MTUS2: variants seen among roughly 807,000 people sequenced by gnomAD.
The protein encoded by MTUS2 is microtubule-associated tumor suppressor candidate 2.
In MTUS2, 40 loss-of-function variants were observed where a neutral mutation model predicts 114.1. That is an observed-to-expected ratio of 0.35 (90% CI 0.27 to 0.46). The LOEUF is 0.46. Ranked by LOEUF, MTUS2 falls within the 20% of genes least tolerant of loss-of-function variation. The pLI, the probability that MTUS2 is intolerant of heterozygous loss-of-function variation, is 1.00. For synonymous variants in MTUS2, 688 were observed against 672.0 expected (o/e 1.02, Z -0.37); for missense variants, 1,679 against 1,705.4 (o/e 0.98, Z 0.27).
intron 2 of MTUS2, among the ~76,000 whole-genome samples, chr13:28,980,316 A>G (rs950614173): frequency 6.6e-6 from 1 of 152,194 alleles, no homozygotes; most frequent in Non-Finnish European, 1.5e-5. Context: ...TAAAAAAGTT[A>G]AGAGAGACAT....
At chr13:29,411,644 A>T (rs1025116694) in intron 8 of MTUS2, among the ~76,000 whole-genome samples, 17 of 152,242 alleles carry the variant, frequency 1.1e-4, no homozygotes, top group African/African-American at 4.1e-4. Context: ...ATTACATTAA[A>T]CTTACTTAAC....
intron 2 of MTUS2, among the ~76,000 whole-genome samples, chr13:29,004,389 T>A (rs1593374999): frequency 9.6e-6 from 1 of 104,346 alleles, no homozygotes; most frequent in African/African-American, 3.7e-5. Context: ...GTATTATATA[T>A]TCAAAATAAC....
chr13:29,493,017 A>G (rs903436333), intron 12 of MTUS2, among the ~76,000 whole-genome samples: 4 of 152,198 alleles, frequency 2.6e-5, no homozygotes, highest in Admixed American at 6.5e-5. Context: ...TGGAGTATCC[A>G]AGGAGTAACT....
intron 5 of MTUS2, among the ~76,000 whole-genome samples, chr13:29,232,273 T>TACACACAC (rs1219369857): frequency 8.7e-6 from 1 of 114,892 alleles, no homozygotes; most frequent in African/African-American, 3.6e-5. Context: ...AGAATATACA[T>TACACACAC]ACATACACAC....
chr13:29,142,483 C>T (rs896598593), intron 5 of MTUS2, among the ~76,000 whole-genome samples: 1 of 152,160 alleles, frequency 6.6e-6, no homozygotes, highest in African/African-American at 2.4e-5. Flanking sequence ...GCGGGTGGAT[C>T]ACCTGAGGTC....
chr13:29,006,200 A>T (rs1885592899), intron 2 of MTUS2, among the ~76,000 whole-genome samples: 1 of 152,090 alleles, frequency 6.6e-6, no homozygotes. Context: ...CCAGTGGAGG[A>T]TCTTCCCAGG....
chr13:29,026,304 C>T lies in MTUS2; in HGVS notation c.1606C>T (p.Leu536Phe), dbSNP rs1381833409. 6.2e-7 allele frequency: 1 copy of T among 1,614,006 alleles called. No individual in the cohort carries two copies. ...ADSVLNIPAP[L>F]HPETTVNMTY... ...TTCAGTTCTCAATATTCCAGCACCC[C>T]TCCACCCAGAGACAACTGTGAACAT... Residue 536 changes from leucine (L) to phenylalanine (F), a missense_variant, in exon 3 of 16, where the codon CTC becomes TTC. Physicochemically the swap from Leu to Phe is conservative, Grantham distance 22. Transcript: ENST00000612955.
intron 2 of MTUS2, among the ~76,000 whole-genome samples, chr13:28,877,942 G>A (rs1384318096): frequency 4.6e-5 from 7 of 151,996 alleles, no homozygotes; most frequent in East Asian, 3.9e-4. Context: ...TATCATATCC[G>A]AAAAATGTGT....
intron 2 of MTUS2, among the ~76,000 whole-genome samples, chr13:29,000,294 A>G (rs1885325013): frequency 6.6e-6 from 1 of 152,096 alleles, no homozygotes; most frequent in African/African-American, 2.4e-5. Flanking sequence ...GGAATGTCTT[A>G]ATTTTCTTCT....
At chr13:29,482,891 G>C (rs918425831) in intron 10 of MTUS2, among the ~76,000 whole-genome samples, 2 of 152,240 alleles carry the variant, frequency 1.3e-5, no homozygotes, top group Admixed American at 1.3e-4. Context: ...AACGTTGGCT[G>C]TTTCCCCAGG....
chr13:29,470,735 C>T (rs537451950), intron 9 of MTUS2, among the ~76,000 whole-genome samples: 96 of 152,368 alleles, frequency 6.3e-4, no homozygotes, highest in African/African-American at 2.0e-3. Flanking sequence ...TCCCTACCTT[C>T]CTCTGGAACT....
intron 8 of MTUS2, among the ~76,000 whole-genome samples, chr13:29,370,984 G>A (rs1024775976): frequency 6.6e-6 from 1 of 152,162 alleles, no homozygotes; most frequent in Non-Finnish European, 1.5e-5. Flanking sequence ...TAAGAAACAT[G>A]AAGGTAACTA....
chr13:29,426,351 C>T (rs1876525328), intron 8 of MTUS2, among the ~76,000 whole-genome samples: 1 of 152,206 alleles, frequency 6.6e-6, no homozygotes. Context: ...GGGATTTATC[C>T]TGCTTTAGCC....
chr13:29,503,221 C>T lies in MTUS2; in HGVS notation c.*15C>T. 6.2e-7 allele frequency: 1 copy of T among 1,612,206 alleles called. No homozygotes were observed. The highest frequency in any genetic ancestry group is 8.5e-7 in the Non-Finnish European group (1 of 1,179,768). ...CACCCAGATGACGCCACTACACGGC[C>T]TGCGGGAGCTCCGGCTTCTCGTCCT... On this transcript the variant is annotated 3_prime_UTR_variant, in exon 16 of 16. Transcript: ENST00000612955.
At chr13:29,228,252 G>C (rs568330437) in intron 5 of MTUS2, among the ~76,000 whole-genome samples, 2 of 152,324 alleles carry the variant, frequency 1.3e-5, no homozygotes, top group South Asian at 4.1e-4. Flanking sequence ...TAAAGAGAAT[G>C]AATTGGAAAT....
chr13:29,218,122 G>A (rs190984717), intron 5 of MTUS2, among the ~76,000 whole-genome samples: 8 of 150,506 alleles, frequency 5.3e-5, no homozygotes, highest in South Asian at 2.1e-4. Context: ...GTCCCTCCCC[G>A]CCAAAACCAA....
intron 8 of MTUS2, among the ~76,000 whole-genome samples, chr13:29,434,810 T>A (rs1375287647): frequency 6.6e-6 from 1 of 152,186 alleles, no homozygotes; most frequent in African/African-American, 2.4e-5. Flanking sequence ...TGGCCACACA[T>A]CTGATTGCTT....
At chr13:29,349,233 G>A (rs898054343) in intron 7 of MTUS2, among the ~76,000 whole-genome samples, 4 of 151,700 alleles carry the variant, frequency 2.6e-5, no homozygotes, top group African/African-American at 9.7e-5. Flanking sequence ...CATAATATAT[G>A]TCATTAGTTT....
intron 2 of MTUS2, among the ~76,000 whole-genome samples, chr13:28,854,839 T>G (rs1876517956): frequency 6.6e-6 from 1 of 152,182 alleles, no homozygotes; most frequent in Non-Finnish European, 1.5e-5. Context: ...ACTCTCTGAC[T>G]TCCGTGGCGT....
Sources: allele counts gnomAD v4.1 joint callset (sites outside exome capture counted in the v4.1 genomes callset), GRCh38; gene constraint gnomAD v4.1.1; transcripts MANE v1.5; gene names NCBI Gene and HGNC (gene_info 2026-07-23, HGNC 2026-07-21).